Variants in XRN2 observed in about 807,000 individuals in gnomAD.
XRN2 encodes the protein 5'-3' exoribonuclease 2, also known as DHM1-like protein.
Under a neutral mutation model 138.5 loss-of-function variants are expected in XRN2, and 44 were observed. The observed-to-expected ratio is 0.32, with a 90% CI of 0.25 to 0.41. The LOEUF is 0.41. Among genes scored for constraint, XRN2 ranks in the 10% least tolerant of loss-of-function variants. The pLI, the probability that XRN2 is intolerant of heterozygous loss-of-function variation, is 1.00. For synonymous variants in XRN2, 354 were observed against 369.4 expected, an observed-to-expected ratio of 0.96 and a Z score of 0.48; for missense variants, 937 against 1,169.3, an observed-to-expected ratio of 0.80 and a Z score of 2.90.
chr20:21,328,707 A>G (rs752455054), intron 4 of XRN2, 37 bp downstream of exon 4: 29 of 1,590,678 alleles, frequency 1.8e-5, no homozygotes, highest in South Asian at 3.4e-5. Context: ...ATTTTTTCAT[A>G]AGATGTATGC....
At chr20:21,377,806 C>T (rs958255068) in intron 27 of XRN2, among the ~76,000 whole-genome samples, 4 of 152,148 alleles carry the variant, frequency 2.6e-5, no homozygotes, top group South Asian at 2.1e-4. Context: ...TGAATCTAAG[C>T]GCCACATCTC....
At chr20:21,358,559 A>G (rs1451939547) in intron 24 of XRN2, among the ~76,000 whole-genome samples, 1 of 151,880 alleles carries the variant, frequency 6.6e-6, no homozygotes, top group Non-Finnish European at 1.5e-5. Context: ...CTCCTTTTCC[A>G]TCCATTTTTG....
intron 26 of XRN2, 94 bp from the exon 27 acceptor site, chr20:21,368,369 C>G: frequency 6.8e-7 from 1 of 1,466,288 alleles, no homozygotes; most frequent in Non-Finnish European, 9.2e-7. Flanking sequence ...TTAGTGAAGA[C>G]GTGGCTATGA....
chr20:21,323,367 T>TC (rs1366259348), intron 1 of XRN2, among the ~76,000 whole-genome samples: 4 of 152,238 alleles, frequency 2.6e-5, no homozygotes, highest in African/African-American at 9.7e-5. Context: ...GTTCAGTCTG[T>TC]CATCTGGGGA....
intron 26 of XRN2, among the ~76,000 whole-genome samples, chr20:21,366,444 C>T (rs988912680): frequency 6.6e-6 from 1 of 150,636 alleles, no homozygotes; most frequent in African/African-American, 2.4e-5. Flanking sequence ...GTAGACCCAG[C>T]TAGTTGGCAG....
chr20:21,386,402 A>G (rs186591648), intron 28 of XRN2, among the ~76,000 whole-genome samples: 125 of 152,392 alleles, frequency 8.2e-4, no homozygotes, highest in Non-Finnish European at 1.5e-3. Context: ...CCCTGGATTC[A>G]AAATACTCAG....
chr20:21,360,944 A>G (rs1256928017), intron 24 of XRN2, among the ~76,000 whole-genome samples: 3 of 152,204 alleles, frequency 2.0e-5, no homozygotes, highest in Non-Finnish European at 4.4e-5. Context: ...TCCTGCAAGA[A>G]CAGTTTGCCT....
chr20:21,368,647 T>A, intron 27 of XRN2, 57 bp downstream of exon 27: 2 of 1,597,134 alleles, frequency 1.3e-6, no homozygotes, highest in Non-Finnish European at 1.7e-6. Flanking sequence ...CAGCAAATGT[T>A]GGTTTCTAAT....
chr20:21,353,013 G>C (rs6082393), intron 20 of XRN2, among the ~76,000 whole-genome samples: 102,583 of 151,222 alleles, frequency 0.68, 35,479 homozygotes, highest in South Asian at 0.84. Context: ...GCCAGTAGGG[G>C]TAATTTATTG....
intron 28 of XRN2, among the ~76,000 whole-genome samples, chr20:21,383,393 A>G (rs2038906376): frequency 6.6e-6 from 1 of 152,240 alleles, no homozygotes; most frequent in Non-Finnish European, 1.5e-5. Flanking sequence ...CAAAGTGTTA[A>G]CACTGTGTTA....
chr20:21,330,809 G>A, intron 6 of XRN2, 104 bp downstream of exon 6: 1 of 1,078,006 alleles, frequency 9.3e-7, no homozygotes, highest in South Asian at 1.6e-5. Context: ...CCCATAAAAT[G>A]CTAGTTGACT....
intron 9 of XRN2, 30 bp from the exon 10 acceptor site, chr20:21,333,514 C>G (rs528071593): frequency 6.2e-7 from 1 of 1,604,608 alleles, no homozygotes; most frequent in Non-Finnish European, 8.5e-7. Flanking sequence ...GTAGAGTAGA[C>G]TTGTTTCATC....
At chr20:21,303,621 C>T (rs2037770272) in intron 1 of XRN2, 148 bp downstream of exon 1, 1 of 1,364,332 alleles carries the variant, frequency 7.3e-7, no homozygotes, top group Non-Finnish European at 9.4e-7. Flanking sequence ...CAGCCCCACA[C>T]GCGATGGGAC....
chr20:21,323,309 T>C (rs757745277), intron 1 of XRN2, among the ~76,000 whole-genome samples: 1 of 152,224 alleles, frequency 6.6e-6, no homozygotes, highest in Non-Finnish European at 1.5e-5. Context: ...GTTTGTTTGT[T>C]TGGTCTTTCA....
chr20:21,379,671 T>A (rs910772577), intron 27 of XRN2, among the ~76,000 whole-genome samples: 1 of 152,198 alleles, frequency 6.6e-6, no homozygotes, highest in East Asian at 1.9e-4. Context: ...TGCTGTTTTT[T>A]AAGACATTTC....
intron 1 of XRN2, among the ~76,000 whole-genome samples, chr20:21,308,625 A>G (rs181832938): frequency 2.6e-5 from 4 of 152,270 alleles, no homozygotes; most frequent in Admixed American, 6.5e-5. Flanking sequence ...GTATATCATC[A>G]CGGGCAGGGT....
chr20:21,332,797 A>G (rs1655981724), intron 9 of XRN2, among the ~76,000 whole-genome samples: 1 of 152,216 alleles, frequency 6.6e-6, no homozygotes, highest in African/African-American at 2.4e-5. Flanking sequence ...GCCTATATCT[A>G]CACGAGGCTT....
At chr20:21,346,028 TA>T (rs2122245392) in intron 16 of XRN2, among the ~76,000 whole-genome samples, 1 of 152,358 alleles carries the variant, frequency 6.6e-6, no homozygotes, top group Non-Finnish European at 1.5e-5. Context: ...TTTAACAAAC[TA>T]AGGAACTTGA....
At chr20:21,348,081 T>G (rs1403961723) in intron 17 of XRN2, 65 bp from the exon 18 acceptor site, 4 of 1,459,986 alleles carry the variant, frequency 2.7e-6, no homozygotes, top group South Asian at 1.3e-5. Flanking sequence ...ATTTTTGTTT[T>G]TTTTAATTGT....
Sources: gnomAD v4.1 joint callset for allele counts (sites outside exome capture counted in the v4.1 genomes callset) on GRCh38, gnomAD v4.1.1 for gene constraint, MANE v1.5 for transcripts, NCBI Gene and HGNC (gene_info 2026-07-23, HGNC 2026-07-21) for gene names.